NRXN3: variants seen among roughly 807,000 people sequenced by gnomAD.
NRXN3 encodes neurexin III.
Under a neutral mutation model 137.6 loss-of-function variants are expected in NRXN3, and 32 were observed. The ratio of observed to expected loss-of-function variants is 0.23; its 90% CI spans 0.18 to 0.31. The LOEUF (loss-of-function observed/expected upper bound fraction) is 0.31, where lower values mean the gene tolerates loss of function less well. Ranked by LOEUF, NRXN3 falls within the 10% of genes least tolerant of loss-of-function variation. The pLI is 1.00. For missense variants in NRXN3, 1,574 were observed against 2,062.5 expected, an observed-to-expected ratio of 0.76 and a Z score of 4.59; for synonymous variants, 798 against 784.5, an observed-to-expected ratio of 1.02 and a Z score of -0.29.
rs977246144 is a variant in NRXN3 at position 79,657,426 on chromosome 14, A to C, written c.3445-6352A>C. On this transcript the variant is annotated intron_variant, in intron 16 of 20. Transcript: ENST00000335750. ...GATCATGGACTTTGAAAGATCTTCAAGCTCTACAGCCGTGGTCTTGTCAGT... is the reference window on the plus strand; with the variant it reads ...GATCATGGACTTTGAAAGATCTTCACGCTCTACAGCCGTGGTCTTGTCAGT... 3.9e-4 allele frequency among the ~76,000 whole-genome samples: 60 copies of C among 152,270 alleles called. 1 individual carries two copies. Among genetic ancestry groups the C allele is most frequent in the Admixed American group, 3.5e-3 (54 of 15,286 alleles).
intron 16 of NRXN3, among the ~76,000 whole-genome samples, chr14:79,509,053 G>A (rs1364637249): frequency 1.3e-5 from 2 of 152,018 alleles, no homozygotes; most frequent in Non-Finnish European, 2.9e-5. Flanking sequence ...AAATTAGCCG[G>A]TTCTGGTGGC....
chr14:79,474,271 T>C (rs1306216073), intron 16 of NRXN3, among the ~76,000 whole-genome samples: 2 of 152,136 alleles, frequency 1.3e-5, no homozygotes, highest in Non-Finnish European at 2.9e-5. Context: ...ATAAAATATT[T>C]AGAAGCTGTT....
intron 4 of NRXN3, among the ~76,000 whole-genome samples, chr14:78,626,192 C>T (rs1266317903): frequency 1.3e-5 from 2 of 152,224 alleles, no homozygotes; most frequent in Non-Finnish European, 2.9e-5. Context: ...CCTGACCCTT[C>T]TCAGATTCAC....
chr14:79,805,047 G>A, intron 19 of NRXN3, 65 bp from the exon 20 acceptor site: 3 of 1,140,214 alleles, frequency 2.6e-6, no homozygotes, highest in South Asian at 1.3e-5. Flanking sequence ...TTGTTCATTA[G>A]TTTCCTTATC....
intron 10 of NRXN3, among the ~76,000 whole-genome samples, chr14:78,927,732 C>G (rs1741912955): frequency 6.6e-6 from 1 of 152,118 alleles, no homozygotes; most frequent in South Asian, 2.1e-4. Context: ...GATTACCTAT[C>G]TGAGAGAAAC....
intron 15 of NRXN3, among the ~76,000 whole-genome samples, chr14:79,250,832 A>C (rs143372526): frequency 1.6e-4 from 24 of 152,338 alleles, no homozygotes; most frequent in African/African-American, 5.3e-4. Context: ...TCTTTGAGAG[A>C]TTTTTGAAAT....
intron 4 of NRXN3, among the ~76,000 whole-genome samples, chr14:78,513,850 A>G (rs2096155904): frequency 6.6e-6 from 1 of 152,120 alleles, no homozygotes; most frequent in Non-Finnish European, 1.5e-5. Flanking sequence ...GCTTACTGCC[A>G]CTGGGTTATT....
chr14:78,399,808 C>T (rs2091880469), intron 4 of NRXN3, among the ~76,000 whole-genome samples: 1 of 152,206 alleles, frequency 6.6e-6, no homozygotes, highest in South Asian at 2.1e-4. Context: ...GCTTGTGTCA[C>T]TGCCACCTCT....
At chr14:78,963,298 C>A (rs1346553116) in intron 11 of NRXN3, among the ~76,000 whole-genome samples, 3 of 152,086 alleles carry the variant, frequency 2.0e-5, no homozygotes, top group African/African-American at 7.2e-5. Context: ...CTTCAGATTC[C>A]TTTTGGAACC....
chr14:78,775,697 C>A (rs1595744892), intron 8 of NRXN3, among the ~76,000 whole-genome samples: 1 of 152,150 alleles, frequency 6.6e-6, no homozygotes, highest in East Asian at 1.9e-4. Context: ...ATAAACTATT[C>A]TCTTTTTAAT....
chr14:79,208,175 C>T lies in NRXN3; in HGVS notation c.3262+220034C>T, dbSNP rs138701118. Among the ~76,000 whole-genome samples, 246 of 152,180 alleles carry T rather than the reference C, an allele frequency of 1.6e-3. 2 individuals are homozygous for T. The highest frequency in any genetic ancestry group is 2.5e-3 in the Non-Finnish European group (169 of 67,998). On this transcript the variant is annotated intron_variant, in intron 15 of 20. Transcript: ENST00000335750. ...GTGTAGCTCTGAAAGAATTGGAACC[C>T]GCAATTCAAAACAATTTAAACTGTT...
chr14:79,586,285 G>A (rs1018905428), intron 16 of NRXN3, among the ~76,000 whole-genome samples: 8 of 152,214 alleles, frequency 5.3e-5, no homozygotes, highest in Middle Eastern at 3.4e-3. Context: ...ATCATCTTGC[G>A]GAGTTTTATT....
intron 10 of NRXN3, among the ~76,000 whole-genome samples, chr14:78,883,053 G>A (rs1050598061): frequency 2.6e-5 from 4 of 152,114 alleles, no homozygotes; most frequent in African/African-American, 9.7e-5. Context: ...GTGCCACCAT[G>A]TGAAGAAGGA....
chr14:79,208,579 T>C (rs1423095032), intron 15 of NRXN3, among the ~76,000 whole-genome samples: 4 of 152,202 alleles, frequency 2.6e-5, no homozygotes, highest in Non-Finnish European at 5.9e-5. Flanking sequence ...AACAGTAATA[T>C]TCATAATAGC....
At chr14:78,452,137 A>G (rs2094567483) in intron 4 of NRXN3, among the ~76,000 whole-genome samples, 1 of 152,200 alleles carries the variant, frequency 6.6e-6, no homozygotes, top group South Asian at 2.1e-4. Flanking sequence ...AATTCTTACT[A>G]CTTCCGGTGG....
At chr14:78,906,537 T>C (rs1277984203) in intron 10 of NRXN3, among the ~76,000 whole-genome samples, 7 of 152,090 alleles carry the variant, frequency 4.6e-5, no homozygotes, top group African/African-American at 2.4e-5. Flanking sequence ...GTGGCACTTA[T>C]TTCACTCCCA....
At position 78,880,953 on chromosome 14, in the gene NRXN3, G is replaced by T. The variant is rs530556660; in HGVS notation, c.2275+70609G>T. ...CCCCATGTATCATGGGAGGGACCCA[G>T]TGAGAAGTAATTAAATCACGGGGGC... On this transcript the variant is annotated intron_variant, in intron 10 of 20. Transcript: ENST00000335750. 9.8e-5 allele frequency among the ~76,000 whole-genome samples: 15 copies of T among 152,312 alleles called. No homozygotes were observed. In the South Asian group the frequency reaches 2.9e-3, roughly 29 times the overall value.
chr14:78,670,313 A>G (rs12589189), intron 6 of NRXN3, among the ~76,000 whole-genome samples: 28,428 of 152,220 alleles, frequency 0.19, 2,856 homozygotes, highest in South Asian at 0.25. Context: ...TAGTGCCGCA[A>G]TAAACATACG....
chr14:78,792,870 T>C (rs1161066071), intron 8 of NRXN3, among the ~76,000 whole-genome samples: 1 of 152,210 alleles, frequency 6.6e-6, no homozygotes, highest in Non-Finnish European at 1.5e-5. Context: ...GAACAAACTT[T>C]GGTAATATAA....
Sources: allele counts gnomAD v4.1 joint callset (sites outside exome capture counted in the v4.1 genomes callset), GRCh38; gene constraint gnomAD v4.1.1; transcripts MANE v1.5; gene names NCBI Gene and HGNC (gene_info 2026-07-23, HGNC 2026-07-21).